The following NONO variants were observed in gnomAD, a reference collection of about 807,000 sequenced individuals.
NONO encodes the protein non-POU domain-containing octamer-binding protein.
Under a neutral mutation model 40.2 loss-of-function variants are expected in NONO, and 6 were observed. That is an observed-to-expected ratio of 0.15 (90% CI 0.08 to 0.29). The LOEUF (loss-of-function observed/expected upper bound fraction) is 0.29. NONO is among the 10% of genes least tolerant of loss of function. NONO has a pLI of 1.00. For synonymous variants in NONO, 89 were observed against 123.3 expected, an observed-to-expected ratio of 0.72 and a Z score of 1.85; for missense variants, 133 against 397.8, an observed-to-expected ratio of 0.33 and a Z score of 5.66.
chrX:71,294,004 T>C, intron 4 of NONO: 1 of 419,157 alleles, frequency 2.4e-6, no homozygotes. Context: ...CACCTAAGTG[T>C]TATTGACTTC....
rs974403017 is a variant in NONO, at chrX:71,297,028, G to A, written c.924G>A (p.Gln308=). 4.2e-6 allele frequency: 5 copies of A among 1,198,546 alleles called. No homozygotes were observed. The highest frequency in any genetic ancestry group is 6.0e-5 in the East Asian group (2 of 33,585). Residue 308 remains glutamine (Q), a synonymous_variant, in exon 7 of 12, where the codon CAG becomes CAA. Coordinates refer to ENST00000276079, the MANE Select transcript of NONO (RefSeq NM_007363.5). ...TGGAAGCTGCACGCCATGAGCACCAGGTCATGCTAATGAGACAGGGTGAGT... is the reference window on the plus strand; with the variant it reads ...TGGAAGCTGCACGCCATGAGCACCAAGTCATGCTAATGAGACAGGGTGAGT... ...MEMEAARHEH[Q]VMLMRQDLMR... is the part of the protein sequence containing the mutation.
intron 6 of NONO, 64 bp downstream of exon 6, chrX:71,296,724 A>G: frequency 2.0e-6 from 2 of 1,007,121 alleles, no homozygotes; most frequent in Middle Eastern, 2.6e-4. Context: ...ATAAAGGGAT[A>G]TGTAAAAGAG....
chrX:71,285,436 G>T (rs913935544), intron 2 of NONO, among the ~76,000 whole-genome samples: 32 of 111,348 alleles, frequency 2.9e-4, no homozygotes, highest in African/African-American at 1.0e-3. Flanking sequence ...TTGAGAAAAC[G>T]ACGTTGCACT....
chrX:71,299,289 T>C (rs1410299863), intron 11 of NONO, among the ~76,000 whole-genome samples: 2 of 112,814 alleles, frequency 1.8e-5, no homozygotes, highest in Non-Finnish European at 3.7e-5. Flanking sequence ...GTGCTGGGAT[T>C]ACTGGCGTGA....
At position 71,294,233 on chromosome X, in the gene NONO, C is replaced by T; in HGVS notation, c.355C>T (p.Arg119Ter). 1 of 1,210,312 alleles carries T rather than the reference C, an allele frequency of 8.3e-7. No homozygotes were observed. Among genetic ancestry groups the T allele is most frequent in the Non-Finnish European group, 1.1e-6 (1 of 894,317 alleles). ...ATTTTCCTCTGCTTCCTAGGAAACC[C>T]GAACCCTAGCGGAGATTGCCAAAGT... Reference protein sequence around the residue: ...KGFGFIRLETRTLAEIAKVEL... With the variant: ...KGFGFIRLET Residue 119 changes from arginine (R) to a stop codon, truncating the protein, a stop_gained, in exon 5 of 12, where the codon CGA becomes TGA. Coordinates refer to ENST00000276079, the MANE Select transcript of NONO (RefSeq NM_007363.5). LOFTEE classifies it high-confidence loss of function.
chrX:71,299,442 G>A (rs1281457848), intron 11 of NONO, among the ~76,000 whole-genome samples: 2 of 111,923 alleles, frequency 1.8e-5, no homozygotes, highest in Non-Finnish European at 3.8e-5. Context: ...CGTCTGACTG[G>A]CCAGTCTGAT....
intron 7 of NONO, 114 bp downstream of exon 7, chrX:71,297,161 C>T (rs916849048): frequency 1.7e-5 from 13 of 761,891 alleles, no homozygotes; most frequent in Non-Finnish European, 2.4e-5. Flanking sequence ...ACTTAGTTTG[C>T]GTTGATTTTG....
chrX:71,298,843 T>A, intron 11 of NONO, 27 bp downstream of exon 11: 1 of 1,074,339 alleles, frequency 9.3e-7, no homozygotes, highest in Non-Finnish European at 1.3e-6. Context: ...GCCTTAACAG[T>A]AATTCTAAAT....
chrX:71,295,878 A>G (rs1239332036), intron 5 of NONO, among the ~76,000 whole-genome samples: 1 of 111,978 alleles, frequency 8.9e-6, no homozygotes, highest in Non-Finnish European at 1.9e-5. Context: ...ATTATGAAAA[A>G]TAACTTTTTA....
intron 2 of NONO, among the ~76,000 whole-genome samples, chrX:71,289,207 GTACTCATT>G (rs1222259394): frequency 8.9e-6 from 1 of 112,041 alleles, no homozygotes; most frequent in Non-Finnish European, 1.9e-5. Context: ...TTCTCATCCA[GTACTCATT>G]TAGTTTTTAT....
Position 71,290,790 on chromosome X carries a change from A to G in NONO, c.153A>G (p.Gln51=), listed in dbSNP as rs2031309674. 1 of 1,162,735 alleles carries G rather than the reference A, an allele frequency of 8.6e-7. No individual in the cohort carries two copies. The highest frequency in any genetic ancestry group is 1.1e-6 in the Non-Finnish European group (1 of 870,492). Residue 51 remains glutamine, a splice_region_variant and synonymous_variant, in exon 3 of 12, where the codon CAA becomes CAG. Coordinates refer to ENST00000276079, the MANE Select transcript of NONO (RefSeq NM_007363.5). ...CAAATGGGCAACAGGCCAGCAGCCA[A>G]AGTGTGTATATGCTAGGTGATGGAG... is the stretch of plus-strand genomic sequence containing the variant. ...IPANGQQASS[Q]NEGLTIDLKN... is the part of the protein sequence containing the mutation.
At chrX:71,288,119 CTTTTTTTTTT>C (rs41517053) in intron 2 of NONO, among the ~76,000 whole-genome samples, 1 of 53,856 alleles carries the variant, frequency 1.9e-5, no homozygotes, top group African/African-American at 8.1e-5. Context: ...TTATTTTTAT[CTTTTTTTTTT>C]TTTTTTTTTT....
intron 2 of NONO, among the ~76,000 whole-genome samples, chrX:71,288,335 A>G (rs1270093518): frequency 1.8e-5 from 2 of 109,928 alleles, no homozygotes; most frequent in Non-Finnish European, 3.8e-5. Flanking sequence ...TACTGGGCCC[A>G]AGCAGTCCTC....
Position 71,300,313 on chromosome X carries a change from A to G in NONO, c.*237A>G, listed in dbSNP as rs2031551044. The G allele has an allele frequency of 2.6e-6, 1 of 391,426 alleles. No homozygotes were observed. Among genetic ancestry groups the G allele is most frequent in the Non-Finnish European group, 4.5e-6 (1 of 223,580 alleles). 32.3% of individuals were successfully genotyped at this position (391,426 alleles called of 1,213,427 possible). A position where few individuals can be genotyped will look rare whatever the true frequency, so the allele number is the denominator to read the frequency against. On this transcript the variant is annotated 3_prime_UTR_variant, in exon 12 of 12. Coordinates refer to ENST00000276079, the MANE Select transcript of NONO (RefSeq NM_007363.5). ...GTGTGGTGCATTCCTGAAGTCTCTA[A>G]TGTGACTGTTGAGGGCCTGGGGAAA... is the stretch of plus-strand genomic sequence containing the variant.
intron 4 of NONO, chrX:71,293,891 A>G (rs1005966391): frequency 3.8e-5 from 8 of 210,041 alleles, no homozygotes; most frequent in Non-Finnish European, 6.9e-5. Context: ...CGGCCTCCCA[A>G]AATTCTGGGA....
In NONO at chrX:71,296,847, A is replaced by G. The variant is rs372892750; in HGVS notation, c.747-4A>G. The G allele has an allele frequency of 9.1e-6, 11 of 1,202,757 alleles. No individual in the cohort carries two copies. The highest frequency in any genetic ancestry group is 8.8e-5 in the African/African-American group (5 of 56,953). The stretch of plus-strand genomic sequence containing the variant: ...AGTTAGTAACCTAGGAACCTTGCCT[A>G]TAGGGAACGAGAGCAGCCACCCAGA... On this transcript the variant is annotated splice_region_variant and splice_polypyrimidine_tract_variant and intron_variant, in intron 6 of 11. Transcript: ENST00000276079.
At chrX:71,297,592 T>G (rs979252786) in intron 8 of NONO, 131 bp downstream of exon 8, 6 of 553,640 alleles carry the variant, frequency 1.1e-5, no homozygotes, top group African/African-American at 4.7e-5. Context: ...TCTCAGGTTC[T>G]TTCTTTGGAT....
In NONO at chrX:71,300,735, C is replaced by G. The variant is rs886183133; in HGVS notation, c.*659C>G. The G allele has an allele frequency of 1.1e-5, 2 of 175,388 alleles. No homozygotes were observed. The highest frequency in any genetic ancestry group is 6.0e-5 in the African/African-American group (2 of 33,564). 14.5% of individuals were successfully genotyped at this position (175,388 alleles called of 1,213,427 possible). On this transcript the variant is annotated 3_prime_UTR_variant, in exon 12 of 12. Transcript: ENST00000276079. ...CTCCATTCACTCCCAGGTGAGAATT[C>G]AGGCAAACGTCCACAAAGGTCACAG...
intron 4 of NONO, chrX:71,292,315 A>C (rs925606496): frequency 1.7e-5 from 2 of 115,222 alleles, no homozygotes; most frequent in African/African-American, 6.6e-5. Flanking sequence ...CTCCTGCCTC[A>C]GCCTCCTGAG....
Sources: gnomAD v4.1 joint callset for allele counts (sites outside exome capture counted in the v4.1 genomes callset) on GRCh38, gnomAD v4.1.1 for gene constraint, MANE v1.5 for transcripts, NCBI Gene and HGNC (gene_info 2026-07-23, HGNC 2026-07-21) for gene names.